The following PNPLA8 variants were observed in gnomAD, a reference collection of about 807,000 sequenced individuals.
PNPLA8 encodes patatin like domain 8, phospholipase A2.
In PNPLA8, 39 loss-of-function variants were observed where a neutral mutation model predicts 76.9. The ratio of observed to expected loss-of-function variants is 0.51; its 90% CI spans 0.39 to 0.66. The LOEUF (loss-of-function observed/expected upper bound fraction) is 0.66. Among genes scored for constraint, PNPLA8 ranks in the 30% least tolerant of loss-of-function variants. PNPLA8 has a pLI of 0.00. For missense variants in PNPLA8, 887 were observed against 918.0 expected, an observed-to-expected ratio of 0.97 and a Z score of 0.44; for synonymous variants, 301 against 307.9, an observed-to-expected ratio of 0.98 and a Z score of 0.24.
chr7:108,512,169 G>A (rs1218378404), intron 4 of PNPLA8, among the ~76,000 whole-genome samples: 1 of 152,180 alleles, frequency 6.6e-6, no homozygotes, highest in Non-Finnish European at 1.5e-5. Context: ...CTTTGCATGA[G>A]CCAGAAATAA....
chr7:108,502,695 T>G (rs773153880), intron 4 of PNPLA8, 53 bp from the exon 5 acceptor site: 6 of 1,353,882 alleles, frequency 4.4e-6, no homozygotes, highest in Non-Finnish European at 6.3e-6. Context: ...AGACTGAAAA[T>G]GTATGATTAT....
intron 5 of PNPLA8, among the ~76,000 whole-genome samples, chr7:108,500,607 C>T (rs533756553): frequency 8.5e-5 from 13 of 152,252 alleles, no homozygotes; most frequent in East Asian, 5.8e-4. Flanking sequence ...ATCCTGTCTC[C>T]GAGTTTCTTA....
intron 9 of PNPLA8, among the ~76,000 whole-genome samples, chr7:108,483,161 A>G (rs111352343): frequency 2.2e-3 from 330 of 152,328 alleles, no homozygotes; most frequent in African/African-American, 7.1e-3. Flanking sequence ...TTAGGAGGCA[A>G]CTATTAATAT....
chr7:108,506,305 G>T (rs560034191), intron 4 of PNPLA8, among the ~76,000 whole-genome samples: 1 of 152,188 alleles, frequency 6.6e-6, no homozygotes, highest in African/African-American at 2.4e-5. Flanking sequence ...TTGAACCCAG[G>T]AGGCGGAGGT....
chr7:108,496,719 A>G lies in PNPLA8; in HGVS notation c.1490T>C (p.Met497Thr), dbSNP rs775630045. 3.7e-6 allele frequency: 6 copies of G among 1,611,362 alleles called. No individual in the cohort carries two copies. In the South Asian group the frequency reaches 4.4e-5, roughly 12 times the overall value. The change falls in exon 7 of 11, where the codon ATG (methionine) becomes ACG (threonine). Residue 497 changes from methionine (M) to threonine (T), a missense_variant. Transcript: ENST00000257694. The part of the protein sequence containing the change: ...ILAFMLGLFH[M>T]PLDECEELYR... ...AAGTTCCTCACATTCATCCAAGGGC[A>G]TATGAAACAACCCCAACATGAAAGC...
chr7:108,510,956 C>G, intron 4 of PNPLA8: 1 of 1,540,590 alleles, frequency 6.5e-7, no homozygotes, highest in Non-Finnish European at 8.8e-7. Context: ...GATCAACAGG[C>G]TTATTAGAAG....
At chr7:108,494,703 A>G (rs936041675) in intron 7 of PNPLA8, among the ~76,000 whole-genome samples, 10 of 152,192 alleles carry the variant, frequency 6.6e-5, no homozygotes, top group Non-Finnish European at 1.3e-4. Context: ...GACAGAATGA[A>G]TTATTTTCCT....
intron 10 of PNPLA8, 140 bp from the exon 11 acceptor site, chr7:108,472,815 T>C: frequency 1.8e-6 from 1 of 566,108 alleles, no homozygotes; most frequent in Non-Finnish European, 3.0e-6. Context: ...TTATTCAAAC[T>C]GACAGTAGAA....
At chr7:108,511,020 C>G (rs1171608458) in intron 4 of PNPLA8, 20 of 824,568 alleles carry the variant, frequency 2.4e-5, no homozygotes, top group Non-Finnish European at 3.4e-5. Flanking sequence ...GGTTAATAAA[C>G]AGTACCTGCT....
chr7:108,510,079 A>G (rs886826007), intron 4 of PNPLA8, among the ~76,000 whole-genome samples: 7 of 140,986 alleles, frequency 5.0e-5, no homozygotes, highest in African/African-American at 1.9e-4. Context: ...CTAATGCTAG[A>G]TGATGAGTTA....
At chr7:108,504,798 T>C (rs1282834602) in intron 4 of PNPLA8, among the ~76,000 whole-genome samples, 1 of 152,104 alleles carries the variant, frequency 6.6e-6, no homozygotes, top group Non-Finnish European at 1.5e-5. Context: ...TGTGTCTGGC[T>C]GGGCATGGTG....
intron 9 of PNPLA8, among the ~76,000 whole-genome samples, chr7:108,486,038 C>T (rs1023007183): frequency 1.3e-5 from 2 of 152,010 alleles, no homozygotes; most frequent in Non-Finnish European, 2.9e-5. Flanking sequence ...ATAAAAATGT[C>T]TAAGCGTGAA....
At chr7:108,512,032 A>G (rs1284527406) in intron 4 of PNPLA8, among the ~76,000 whole-genome samples, 2 of 152,198 alleles carry the variant, frequency 1.3e-5, no homozygotes, top group Admixed American at 1.3e-4. Flanking sequence ...CTTCTGCTGA[A>G]ATATTATTTC....
rs148428741 is a variant in PNPLA8, at chr7:108,501,103, A to C, written c.1358+1388T>G. ...AGGGTAGTACTTGAACATACAGAAG[A>C]GTGGTTGGCAAGTTGGTTATACCAA... On this transcript the variant is annotated intron_variant, in intron 5 of 10. Coordinates refer to ENST00000257694, the MANE Select transcript of PNPLA8 (RefSeq NM_001256007.3). 2.0e-5 allele frequency among the ~76,000 whole-genome samples: 3 copies of C among 152,324 alleles called. No homozygotes were observed. In the East Asian group the frequency reaches 5.8e-4, roughly 29 times the overall value.
intron 4 of PNPLA8, among the ~76,000 whole-genome samples, chr7:108,512,748 C>T (rs1283382226): frequency 6.6e-6 from 1 of 152,116 alleles, no homozygotes; most frequent in African/African-American, 2.4e-5. Flanking sequence ...GGAAGGGTGA[C>T]AACTTTTTTC....
At chr7:108,502,029 C>G (rs1861986522) in intron 5 of PNPLA8, among the ~76,000 whole-genome samples, 1 of 151,596 alleles carries the variant, frequency 6.6e-6, no homozygotes, top group Non-Finnish European at 1.5e-5. Flanking sequence ...CAGAGTAGCA[C>G]TTAGATTAAT....
At chr7:108,518,273 C>T (rs1267557302) in intron 2 of PNPLA8, 1 of 152,074 alleles carries the variant, frequency 6.6e-6, no homozygotes, top group African/African-American at 2.4e-5. Flanking sequence ...AGTATGATTC[C>T]AGCTGTATAA....
chr7:108,514,548 T>C lies in PNPLA8; in HGVS notation c.944A>G (p.Tyr315Cys), dbSNP rs1863163196. Residue 315 changes from tyrosine to cysteine, a missense_variant, in exon 3 of 11, where the codon TAT becomes TGT. Tyr to Cys is a radical substitution (Grantham distance 194, BLOSUM62 -2). Coordinates refer to ENST00000257694, the MANE Select transcript of PNPLA8 (RefSeq NM_001256007.3). ...TTCTTCTGACTGACTCTTTGAATCA[T>C]ACTTTAATTTGGGGACAAGTCCACC... ...YIGGLVPKLK[Y>C]DSKSQSEEQE... 1.2e-6 allele frequency: 2 copies of C among 1,614,024 alleles called. No individual in the cohort carries two copies. The highest frequency in any genetic ancestry group is 8.5e-7 in the Non-Finnish European group (1 of 1,179,868).
At chr7:108,494,507 T>G (rs1464435578) in intron 7 of PNPLA8, among the ~76,000 whole-genome samples, 1 of 152,238 alleles carries the variant, frequency 6.6e-6, no homozygotes, top group East Asian at 1.9e-4. Flanking sequence ...TCTAATGGCC[T>G]CCAGCTCCAA....
Sources: allele counts gnomAD v4.1 joint callset (sites outside exome capture counted in the v4.1 genomes callset), GRCh38; gene constraint gnomAD v4.1.1; transcripts MANE v1.5; gene names NCBI Gene and HGNC (gene_info 2026-07-23, HGNC 2026-07-21).